Variants in PRKN observed in about 807,000 individuals in gnomAD.
PRKN encodes the protein E3 ubiquitin-protein ligase parkin.
PRKN carries 56 observed loss-of-function variants against 59.5 expected under a neutral mutation model. The ratio of observed to expected loss-of-function variants is 0.94; its 90% CI spans 0.76 to 1.18. PRKN has a LOEUF of 1.18. Among genes scored for constraint, PRKN ranks in the 50% most tolerant of loss-of-function variants. PRKN has a pLI of 0.00. For missense variants in PRKN, 657 were observed against 596.4 expected (o/e 1.10, Z -1.06); for synonymous variants, 250 against 222.1 (o/e 1.13, Z -1.12).
intron 3 of PRKN, among the ~76,000 whole-genome samples, chr6:162,216,536 CAAAAAAAAAAAAA>C (rs35025497): frequency 1.7e-3 from 58 of 34,978 alleles, no homozygotes; most frequent in African/African-American, 4.1e-3. Context: ...GACTCCGTCT[CAAAAAAAAAAAAA>C]AAAAAAAAAA....
intron 7 of PRKN, among the ~76,000 whole-genome samples, chr6:161,749,483 T>G (rs1366049768): frequency 6.6e-6 from 1 of 152,198 alleles, no homozygotes. Context: ...TATGCAGAAG[T>G]GATTCCTGGT....
intron 6 of PRKN, among the ~76,000 whole-genome samples, chr6:161,811,010 T>G (rs373464159): frequency 6.6e-6 from 1 of 152,118 alleles, no homozygotes; most frequent in South Asian, 2.1e-4. Flanking sequence ...TCTGGTAAAA[T>G]AGTAATTCTC....
At chr6:162,293,796 A>G (rs1781543061) in intron 2 of PRKN, among the ~76,000 whole-genome samples, 1 of 151,936 alleles carries the variant, frequency 6.6e-6, no homozygotes, top group Non-Finnish European at 1.5e-5. Context: ...AAAGAGAGAG[A>G]GACAGAGGAA....
intron 4 of PRKN, among the ~76,000 whole-genome samples, chr6:162,107,320 C>T (rs1780229623): frequency 6.6e-6 from 1 of 152,152 alleles, no homozygotes. Flanking sequence ...CAAAAATTAG[C>T]CGGGCATGGC....
Position 161,352,727 on chromosome 6 carries a change from G to GTT in PRKN, c.1286-2517_1286-2516insAA, listed in dbSNP as rs1554251121. On this transcript the variant is annotated intron_variant, in intron 11 of 11. Transcript: ENST00000366898. The surrounding 1 kb of genome is among the most constrained non-coding windows in gnomAD (Gnocchi z 5.8). ...ATATAAACACAAATATGTATGAAGA[G>GTT]TGTGTGTGTGTGTGTGTGTGTGTGT... Among the ~76,000 whole-genome samples, 1 of 62,478 alleles carries GTT rather than the reference G, an allele frequency of 1.6e-5. No individual in the cohort carries two copies. The highest frequency in any genetic ancestry group is 3.6e-5 in the Non-Finnish European group (1 of 27,654). 41.0% of individuals were successfully genotyped at this position (62,478 alleles called of 152,430 possible).
chr6:161,648,816 A>G (rs1784049911), intron 7 of PRKN, among the ~76,000 whole-genome samples: 1 of 152,242 alleles, frequency 6.6e-6, no homozygotes, highest in African/African-American at 2.4e-5. Flanking sequence ...ACAGTGTCCT[A>G]GAGCCAAAAA....
At position 161,459,145 on chromosome 6, in the gene PRKN, T is replaced by A. The variant is rs1790097612; in HGVS notation, c.1084-72268A>T. 6.6e-6 allele frequency among the ~76,000 whole-genome samples: 1 copy of A among 152,308 alleles called. No homozygotes were observed. The highest frequency in any genetic ancestry group is 6.5e-5 in the Admixed American group (1 of 15,302). ...AAGAAGCTACTTTCAGAAGTGGTAC[T>A]TAGCACCTGCCCTCAGTGATCACCA... On this transcript the variant is annotated intron_variant, in intron 9 of 11. Coordinates refer to ENST00000366898, the MANE Select transcript of PRKN (RefSeq NM_004562.3). The surrounding 1 kb of genome is among the most constrained non-coding windows in gnomAD (Gnocchi z 4.8).
At position 162,324,926 on chromosome 6, in the gene PRKN, T is replaced by TAAAAC. The variant is rs67805682; in HGVS notation, c.172-62166_172-62162dup. 2.6e-4 allele frequency among the ~76,000 whole-genome samples: 40 copies of TAAAAC among 151,284 alleles called. No individual in the cohort carries two copies. The East Asian group carries it at 2.7e-3, about 10-fold the overall frequency. On this transcript the variant is annotated intron_variant, in intron 2 of 11. Coordinates refer to ENST00000366898, the MANE Select transcript of PRKN (RefSeq NM_004562.3). Reference sequence around the variant, plus strand: ...ACTAATTCAACTTTTGCATCTGATGTAAAACAAAACAAAACAAAACAAAAT... The same window carrying TAAAAC: ...ACTAATTCAACTTTTGCATCTGATGTAAAACAAAACAAAACAAAACAAAACAAAAT...
intron 2 of PRKN, among the ~76,000 whole-genome samples, chr6:162,322,464 G>C (rs1444427176): frequency 1.3e-5 from 2 of 152,056 alleles, no homozygotes; most frequent in African/African-American, 2.4e-5. Context: ...ACAATGCAGA[G>C]AACCTGAAAC....
chr6:161,472,890 C>T (rs1790863515), intron 9 of PRKN, among the ~76,000 whole-genome samples: 1 of 152,074 alleles, frequency 6.6e-6, no homozygotes, highest in African/African-American at 2.4e-5. Flanking sequence ...GGCCAACAGG[C>T]ATACGAAAAG....
At chr6:161,749,966 T>C (rs546432717) in intron 7 of PRKN, among the ~76,000 whole-genome samples, 1 of 152,178 alleles carries the variant, frequency 6.6e-6, no homozygotes, top group Non-Finnish European at 1.5e-5. Flanking sequence ...GCTGATTTTA[T>C]AGTCCTCTGT....
intron 1 of PRKN, among the ~76,000 whole-genome samples, chr6:162,646,224 C>T (rs1562465223): frequency 6.6e-6 from 1 of 151,404 alleles, no homozygotes; most frequent in African/African-American, 2.4e-5. Context: ...CACAAAGAAA[C>T]CAAACATATA....
chr6:162,345,133 C>T (rs558618754), intron 2 of PRKN, among the ~76,000 whole-genome samples: 3 of 152,216 alleles, frequency 2.0e-5, no homozygotes, highest in Admixed American at 6.5e-5. Context: ...GTGAAGACCA[C>T]GCCTGGAATA....
rs1247187053 is a variant in PRKN at position 161,946,414 on chromosome 6, A to ACACACACACACACACTCTCT, written c.734+26887_734+26888insAGAGAGTGTGTGTGTGTGTG. On this transcript the variant is annotated intron_variant, in intron 6 of 11. Coordinates refer to ENST00000366898, the MANE Select transcript of PRKN (RefSeq NM_004562.3). Reference sequence around the variant, plus strand: ...CACACACACACACACACACACACACACTCTCTCTCTCTCTCTCTCTCTCTC... The same window carrying ACACACACACACACACTCTCT: ...CACACACACACACACACACACACACACACACACACACACACTCTCTCTCTCTCTCTCTCTCTCTCTCTCTC... Among the ~76,000 whole-genome samples, 97 of 114,434 alleles carry ACACACACACACACACTCTCT rather than the reference A, an allele frequency of 8.5e-4. No individual in the cohort carries two copies. In the East Asian group the frequency reaches 0.012, roughly 15 times the overall value. 75.1% of individuals were successfully genotyped at this position (114,434 alleles called of 152,430 possible). A position where few individuals can be genotyped will look rare whatever the true frequency, so the allele number is the denominator to read the frequency against.
intron 5 of PRKN, among the ~76,000 whole-genome samples, chr6:162,052,076 C>A (rs1447433533): frequency 1.3e-5 from 2 of 152,176 alleles, no homozygotes; most frequent in African/African-American, 4.8e-5. Context: ...TGGCCGTAGA[C>A]AGGAATGACT....
intron 7 of PRKN, among the ~76,000 whole-genome samples, chr6:161,572,529 G>A (rs537964160): frequency 9.2e-5 from 14 of 152,090 alleles, no homozygotes; most frequent in South Asian, 2.1e-4. Flanking sequence ...ACATGGTGGC[G>A]GGCATCTGTA....
At chr6:162,198,727 A>G (rs1248813966) in intron 4 of PRKN, among the ~76,000 whole-genome samples, 2 of 151,500 alleles carry the variant, frequency 1.3e-5, no homozygotes, top group Non-Finnish European at 2.9e-5. Flanking sequence ...CCCTACCTCT[A>G]CTGCTCTGCA....
intron 2 of PRKN, among the ~76,000 whole-genome samples, chr6:162,389,344 T>C (rs1391634312): frequency 6.6e-6 from 1 of 152,098 alleles, no homozygotes; most frequent in African/African-American, 2.4e-5. Context: ...CCCTAGGTAA[T>C]GATTGCCCAT....
intron 6 of PRKN, among the ~76,000 whole-genome samples, chr6:161,924,309 G>T (rs1314605328): frequency 6.6e-6 from 1 of 152,062 alleles, no homozygotes; most frequent in Non-Finnish European, 1.5e-5. Flanking sequence ...CCTCAAATAT[G>T]AATCCAATGG....
Sources: allele counts gnomAD v4.1 joint callset (sites outside exome capture counted in the v4.1 genomes callset), GRCh38; gene constraint gnomAD v4.1.1; non-coding constraint Gnocchi (gnomAD v3.1); transcripts MANE v1.5; gene names NCBI Gene and HGNC (gene_info 2026-07-23, HGNC 2026-07-21).